Variants in ACAD8 observed in about 807,000 individuals in gnomAD.
The protein encoded by ACAD8 is acyl-CoA dehydrogenase family member 8.
Under a neutral mutation model 53.1 loss-of-function variants are expected in ACAD8, and 47 were observed. That is an observed-to-expected ratio of 0.89 (90% confidence interval 0.70 to 1.13). ACAD8 has a LOEUF of 1.13. Ranked by LOEUF, ACAD8 falls within the 50% of genes most tolerant of loss-of-function variation. ACAD8 has a pLI of 0.00. For synonymous variants in ACAD8, 198 were observed against 201.3 expected, an observed-to-expected ratio of 0.98 and a Z score of 0.14; for missense variants, 494 against 535.0, an observed-to-expected ratio of 0.92 and a Z score of 0.76.
At chr11:134,258,406 G>C (rs908338967) in intron 3 of ACAD8, 109 bp from the exon 4 acceptor site, 1 of 758,834 alleles carries the variant, frequency 1.3e-6, no homozygotes, top group Admixed American at 2.0e-5. Flanking sequence ...CCACTCTTCT[G>C]CTTTACTCCA....
chr11:134,259,196 T>A (rs749229625), intron 5 of ACAD8, 112 bp downstream of exon 5: 39 of 938,400 alleles, frequency 4.2e-5, no homozygotes, highest in Non-Finnish European at 5.8e-5. Flanking sequence ...TTTTTATGTG[T>A]TGGGAAGAGA....
intron 10 of ACAD8, chr11:134,263,903 G>A: frequency 1.1e-5 from 11 of 985,392 alleles, no homozygotes; most frequent in Non-Finnish European, 1.3e-5. Context: ...CCTCGAGGGG[G>A]TTTATATTTC....
At position 134,261,583 on chromosome 11, in the gene ACAD8, A is replaced by G. The variant is rs1175987630; in HGVS notation, c.940-155A>G. 1.9e-6 allele frequency: 3 copies of G among 1,541,612 alleles called. No individual in the cohort carries two copies. In the Admixed American group the frequency reaches 5.9e-5, roughly 30 times the overall value. Reference sequence around the variant, plus strand: ...GGTGAGTGAAGTGGACTTAGCACTTAAAAGCAATAAATTTCCTCTATAGAA... The same window carrying G: ...GGTGAGTGAAGTGGACTTAGCACTTGAAAGCAATAAATTTCCTCTATAGAA... On this transcript the variant is annotated intron_variant, in intron 8 of 10. Transcript: ENST00000281182. This position sits in a 1 kb window ranked among gnomAD's most constrained non-coding sequence, Gnocchi z 4.2.
Position 134,256,535 on chromosome 11 carries a change from A to G in ACAD8, c.110-13A>G, listed in dbSNP as rs369626260. The G allele has an allele frequency of 2.9e-5, 46 of 1,611,980 alleles. No individual in the cohort carries two copies. The highest frequency in any genetic ancestry group is 1.9e-4 in the South Asian group (17 of 91,032). On this transcript the variant is annotated splice_polypyrimidine_tract_variant and intron_variant, in intron 1 of 10. Coordinates refer to ENST00000281182, the MANE Select transcript of ACAD8 (RefSeq NM_014384.3). Reference sequence around the variant, plus strand: ...ACCCTGTCCTAGAACAGTATATGCAATCCTGCCCACAGCTTCCATGGGACT... The same window carrying G: ...ACCCTGTCCTAGAACAGTATATGCAGTCCTGCCCACAGCTTCCATGGGACT...
chr11:134,255,754 G>T (rs1042199276), intron 1 of ACAD8, among the ~76,000 whole-genome samples: 3 of 152,162 alleles, frequency 2.0e-5, no homozygotes, highest in Non-Finnish European at 4.4e-5. Context: ...CTCCAGGCTC[G>T]CATAGCCAGC....
intron 10 of ACAD8, 91 bp downstream of exon 10, chr11:134,262,713 CA>C (rs1939962326): frequency 1.3e-6 from 2 of 1,524,296 alleles, no homozygotes; most frequent in Non-Finnish European, 1.8e-6. Context: ...TCCTGGGCCT[CA>C]GGGTGCAGTC....
chr11:134,263,086 A>C, intron 10 of ACAD8: 11 of 1,167,238 alleles, frequency 9.4e-6, no homozygotes, highest in Non-Finnish European at 1.2e-5. Context: ...TTTTCAATAA[A>C]ATAAACCATC....
In ACAD8 at chr11:134,261,879, G is replaced by C. The variant is rs1199102573; in HGVS notation, c.1081G>C (p.Glu361Gln). The stretch of plus-strand genomic sequence containing the variant: ...CATGGCCAAGCTCTTTGCTACAGAT[G>C]AATGCTTTGCCGTAAGTGATTCCTC... ...CSMAKLFATDECFAICNQALQ... is the reference protein window; with the variant it reads ...CSMAKLFATDQCFAICNQALQ... The change falls in exon 9 of 11, where the codon GAA becomes CAA. Residue 361 changes from glutamate to glutamine, a missense_variant. Coordinates refer to ENST00000281182, the MANE Select transcript of ACAD8 (RefSeq NM_014384.3). This position sits in a 1 kb window ranked among gnomAD's most constrained non-coding sequence, Gnocchi z 4.2. The C allele has an allele frequency of 1.9e-6, 3 of 1,614,102 alleles. No homozygotes were observed. In the South Asian group the frequency reaches 3.3e-5, roughly 18 times the overall value.
At chr11:134,258,219 TAGAA>T in intron 3 of ACAD8, 2 of 440,210 alleles carry the variant, frequency 4.5e-6, no homozygotes, top group Non-Finnish European at 8.4e-6. Flanking sequence ...AAACTACTAA[TAGAA>T]AGCACATATA....
Position 134,256,666 on chromosome 11 carries a change from G to A in ACAD8, c.210+18G>A. The stretch of plus-strand genomic sequence containing the variant: ...ACCAGAAGGTAGGCGTTTTTCTTGT[G>A]CTTAGACGTTCTAACAACAGATGTC... On this transcript the variant is annotated intron_variant, in intron 2 of 10. Coordinates refer to ENST00000281182, the MANE Select transcript of ACAD8 (RefSeq NM_014384.3). The A allele has an allele frequency of 6.2e-7, 1 of 1,605,486 alleles. No homozygotes were observed. Among genetic ancestry groups the A allele is most frequent in the Non-Finnish European group, 8.5e-7 (1 of 1,172,462 alleles).
intron 4 of ACAD8, 92 bp downstream of exon 4, chr11:134,258,716 G>C: frequency 1.0e-6 from 1 of 967,576 alleles, no homozygotes; most frequent in South Asian, 1.4e-5. Context: ...CTCTTGACAT[G>C]TCGAGCCACT....
At chr11:134,260,085 T>A in intron 6 of ACAD8, 1 of 1,201,054 alleles carries the variant, frequency 8.3e-7, no homozygotes, top group Non-Finnish European at 1.1e-6. Flanking sequence ...GAAGACCTGG[T>A]GTTGGCCACA....
intron 6 of ACAD8, chr11:134,260,450 T>G (rs1453758365): frequency 5.5e-6 from 1 of 183,148 alleles, no homozygotes; most frequent in East Asian, 1.5e-4. Context: ...TCACAGCTCC[T>G]CGGGTTTCTG....
intron 6 of ACAD8, 111 bp from the exon 7 acceptor site, chr11:134,260,932 TG>T: frequency 7.9e-7 from 1 of 1,258,930 alleles, no homozygotes; most frequent in Non-Finnish European, 1.1e-6. Context: ...TAAGTTCTTG[TG>T]GGTCTAAGTC....
chr11:134,261,328 C>A lies in ACAD8; in HGVS notation c.895C>A (p.Leu299Ile). The A allele has an allele frequency of 6.2e-7, 1 of 1,614,208 alleles. No homozygotes were observed. Among genetic ancestry groups the A allele is most frequent in the Non-Finnish European group, 8.5e-7 (1 of 1,180,044 alleles). Residue 299 changes from leucine (L) to isoleucine (I), a missense_variant, in exon 8 of 11, where the codon CTC (leucine) becomes ATC (isoleucine). Coordinates refer to ENST00000281182, the MANE Select transcript of ACAD8 (RefSeq NM_014384.3). This position sits in a 1 kb window ranked among gnomAD's most constrained non-coding sequence, Gnocchi z 4.2. ...CTCTGTCATCCTCACCCGAGACCAC[C>A]TCAATGTCCGGAAGCAGTTTGGAGA... ...HASVILTRDH[L>I]NVRKQFGEPL... is the part of the protein sequence containing the mutation.
rs2136083488 is a variant in ACAD8, at chr11:134,261,855, A to G, written c.1057A>G (p.Met353Val). 3 of 1,614,166 alleles carry G rather than the reference A, an allele frequency of 1.9e-6. No homozygotes were observed. Among genetic ancestry groups the G allele is most frequent in the Non-Finnish European group, 2.5e-6 (3 of 1,180,022 alleles). The change falls in exon 9 of 11, where the codon ATG (methionine) becomes GTG (valine). Residue 353 changes from methionine (M) to valine (V), a missense_variant. Physicochemically the swap from Met to Val is conservative, Grantham distance 21. Transcript: ENST00000281182. This position sits in a 1 kb window ranked among gnomAD's most constrained non-coding sequence, Gnocchi z 4.2. ...ERKDAVALCS[M>V]AKLFATDECF... ...GAAGGATGCAGTGGCCTTGTGCTCC[A>G]TGGCCAAGCTCTTTGCTACAGATGA...
At chr11:134,256,361 G>C (rs1231974718) in intron 1 of ACAD8, among the ~76,000 whole-genome samples, 187 bp from the exon 2 acceptor site, 2 of 152,222 alleles carry the variant, frequency 1.3e-5, no homozygotes, top group African/African-American at 2.4e-5. Flanking sequence ...TGCTAGAACT[G>C]TCCTTTCTCC....
At position 134,263,896 on chromosome 11, in the gene ACAD8, C is replaced by T. The variant is rs183419599; in HGVS notation, c.1196-1012C>T. ...TGAGACGATGTGACTACTGATTCCT[C>T]GAGGGGGTTTATATTTCTTTTTGCA... On this transcript the variant is annotated intron_variant, in intron 10 of 10. Transcript: ENST00000281182. The T allele has an allele frequency of 2.6e-4, 255 of 985,366 alleles. No individual in the cohort carries two copies. The African/African-American group carries it at 4.0e-3, about 15-fold the overall frequency. The allele number at this position is 985,366 out of a possible 1,614,324, so 61.0% of individuals were successfully genotyped here.
intron 1 of ACAD8, among the ~76,000 whole-genome samples, chr11:134,253,991 C>G (rs1939305723): frequency 6.6e-6 from 1 of 151,066 alleles, no homozygotes; most frequent in Non-Finnish European, 1.5e-5. Context: ...CGGCCGGTCA[C>G]CCCCGCCCCG....
Sources: gnomAD v4.1 joint callset for allele counts (sites outside exome capture counted in the v4.1 genomes callset) on GRCh38, gnomAD v4.1.1 for gene constraint, Gnocchi (gnomAD v3.1) non-coding constraint, MANE v1.5 for transcripts, NCBI Gene and HGNC (gene_info 2026-07-23, HGNC 2026-07-21) for gene names.